ITK: variants seen among roughly 807,000 people sequenced by gnomAD.
The protein encoded by ITK is tyrosine-protein kinase ITK/TSK.
In ITK, 45 loss-of-function variants were observed where a neutral mutation model predicts 87.6. The ratio of observed to expected loss-of-function variants is 0.51; its 90% CI spans 0.40 to 0.66. The LOEUF (loss-of-function observed/expected upper bound fraction) is 0.66, where lower values mean the gene tolerates loss of function less well. Ranked by LOEUF, ITK falls within the 30% of genes least tolerant of loss-of-function variation. The pLI is 0.00. For synonymous variants in ITK, 303 were observed against 273.6 expected, an observed-to-expected ratio of 1.11 and a Z score of -1.06; for missense variants, 605 against 766.3, an observed-to-expected ratio of 0.79 and a Z score of 2.48.
chr5:157,251,987 T>A (rs1755146724), intron 16 of ITK, among the ~76,000 whole-genome samples: 1 of 152,194 alleles, frequency 6.6e-6, no homozygotes, highest in Non-Finnish European at 1.5e-5. Context: ...CCTCTCCGTA[T>A]AAATGTTACA....
intron 1 of ITK, among the ~76,000 whole-genome samples, chr5:157,203,829 T>C (rs1754023505): frequency 6.6e-6 from 1 of 152,156 alleles, no homozygotes; most frequent in Non-Finnish European, 1.5e-5. Context: ...AAAAGCAAGT[T>C]CTAGACTGAT....
intron 1 of ITK, among the ~76,000 whole-genome samples, chr5:157,203,831 T>C (rs1754023542): frequency 6.6e-6 from 1 of 152,228 alleles, no homozygotes; most frequent in South Asian, 2.1e-4. Context: ...AAGCAAGTTC[T>C]AGACTGATAT....
chr5:157,209,767 T>A (rs529829570), intron 2 of ITK, among the ~76,000 whole-genome samples: 15 of 152,298 alleles, frequency 9.8e-5, no homozygotes, highest in African/African-American at 3.6e-4. Context: ...CAGTAGCCAC[T>A]AGCCACACAT....
intron 16 of ITK, among the ~76,000 whole-genome samples, chr5:157,250,227 C>T (rs1755114169): frequency 6.6e-6 from 1 of 152,204 alleles, no homozygotes; most frequent in South Asian, 2.1e-4. Context: ...TATCCCTCTC[C>T]TCATCCCCAA....
intron 6 of ITK, chr5:157,224,227 T>C (rs1331230586): frequency 6.6e-6 from 1 of 150,546 alleles, no homozygotes; most frequent in Non-Finnish European, 1.5e-5. Context: ...GAGGTTGCAG[T>C]GAGCCAAGAT....
intron 9 of ITK, among the ~76,000 whole-genome samples, chr5:157,238,981 A>G (rs1339342692): frequency 6.6e-6 from 1 of 152,210 alleles, no homozygotes; most frequent in East Asian, 1.9e-4. Context: ...TGTGAGCAGG[A>G]CGTGGAGCAA....
intron 8 of ITK, among the ~76,000 whole-genome samples, chr5:157,236,155 C>T (rs1754771155): frequency 6.6e-6 from 1 of 152,146 alleles, no homozygotes; most frequent in Non-Finnish European, 1.5e-5. Flanking sequence ...AGGCGGATCA[C>T]TGGAGGTCAG....
At chr5:157,187,989 C>G (rs889198832) in intron 1 of ITK, among the ~76,000 whole-genome samples, 76 of 152,000 alleles carry the variant, frequency 5.0e-4, no homozygotes, top group African/African-American at 1.6e-3. Flanking sequence ...TTTATAGAGA[C>G]AGGGTCTCAC....
At chr5:157,225,544 A>G (rs1366608205) in intron 6 of ITK, among the ~76,000 whole-genome samples, 1 of 152,176 alleles carries the variant, frequency 6.6e-6, no homozygotes, top group African/African-American at 2.4e-5. Context: ...TACATTTTCA[A>G]GGTGCCTTCT....
chr5:157,251,512 C>T (rs1229551018), intron 16 of ITK, among the ~76,000 whole-genome samples: 1 of 152,222 alleles, frequency 6.6e-6, no homozygotes, highest in African/African-American at 2.4e-5. Flanking sequence ...TAACAAAGCT[C>T]AACATCAACT....
chr5:157,241,103 A>G (rs887616711), intron 10 of ITK: 7 of 153,282 alleles, frequency 4.6e-5, no homozygotes, highest in African/African-American at 1.7e-4. Context: ...ACATCCCGCT[A>G]ATTTTGGTAT....
At chr5:157,221,762 A>G (rs1300846039) in intron 5 of ITK, among the ~76,000 whole-genome samples, 1 of 152,150 alleles carries the variant, frequency 6.6e-6, no homozygotes, top group Non-Finnish European at 1.5e-5. Flanking sequence ...TCCTCCCTCC[A>G]TAAGCTCTTA....
chr5:157,223,400 T>C (rs768555593), intron 6 of ITK, among the ~76,000 whole-genome samples: 5 of 151,848 alleles, frequency 3.3e-5, no homozygotes, highest in Non-Finnish European at 7.3e-5. Context: ...TGCTTATTTT[T>C]GGTGAAAAGA....
intron 12 of ITK, 79 bp downstream of exon 12, chr5:157,243,873 C>G (rs1271146683): frequency 2.2e-6 from 3 of 1,342,888 alleles, no homozygotes; most frequent in Non-Finnish European, 3.2e-6. Context: ...ATTCAAACGC[C>G]AGGGGGTACT....
At chr5:157,247,950 A>G (rs1404557581) in intron 15 of ITK, among the ~76,000 whole-genome samples, 1 of 152,222 alleles carries the variant, frequency 6.6e-6, no homozygotes, top group Non-Finnish European at 1.5e-5. Flanking sequence ...ACTAAAAATT[A>G]TGGTGTCTTG....
At chr5:157,222,139 G>A (rs777837954) in intron 5 of ITK, among the ~76,000 whole-genome samples, 1 of 152,166 alleles carries the variant, frequency 6.6e-6, no homozygotes, top group Non-Finnish European at 1.5e-5. Flanking sequence ...ACATTCTAGT[G>A]AGGAACTTAA....
chr5:157,194,719 T>C (rs1753819264), intron 1 of ITK, among the ~76,000 whole-genome samples: 1 of 152,260 alleles, frequency 6.6e-6, no homozygotes, highest in Non-Finnish European at 1.5e-5. Context: ...TCTACTATAA[T>C]TTATGTTAGA....
chr5:157,234,061 A>G (rs868759579), intron 8 of ITK, among the ~76,000 whole-genome samples: 37 of 134,246 alleles, frequency 2.8e-4, no homozygotes, highest in Middle Eastern at 4.7e-3. Flanking sequence ...GCTTACTGCA[A>G]CCTCCGCTGC....
intron 1 of ITK, among the ~76,000 whole-genome samples, chr5:157,205,771 A>C (rs1370902599): frequency 6.6e-6 from 1 of 152,130 alleles, no homozygotes; most frequent in Non-Finnish European, 1.5e-5. Flanking sequence ...ATTTTGACGT[A>C]CGTTCCTTTA....
Sources: allele counts gnomAD v4.1 joint callset (sites outside exome capture counted in the v4.1 genomes callset), GRCh38; gene constraint gnomAD v4.1.1; transcripts MANE v1.5; gene names NCBI Gene and HGNC (gene_info 2026-07-23, HGNC 2026-07-21).